Variants in LHFPL6 observed in about 807,000 individuals in gnomAD.
LHFPL6 encodes the protein LHFPL tetraspan subfamily member 6.
In LHFPL6, 9 loss-of-function variants were observed where a neutral mutation model predicts 20.6. That is an observed-to-expected ratio of 0.44 (90% CI 0.26 to 0.76). LHFPL6 has a LOEUF of 0.76. Ranked by LOEUF, LHFPL6 falls within the 30% of genes least tolerant of loss-of-function variation. LHFPL6 has a pLI of 0.20. For synonymous variants in LHFPL6, 105 were observed against 98.7 expected (o/e 1.06, Z -0.38); for missense variants, 218 against 253.5 (o/e 0.86, Z 0.95).
chr13:39,381,952 C>G (rs1023696329), intron 2 of LHFPL6, among the ~76,000 whole-genome samples: 1 of 152,016 alleles, frequency 6.6e-6, no homozygotes. Context: ...GCAGCATATG[C>G]GTTGTTGAAG....
chr13:39,410,987 TA>T (rs1232141813), intron 2 of LHFPL6, among the ~76,000 whole-genome samples: 2 of 152,350 alleles, frequency 1.3e-5, no homozygotes, highest in African/African-American at 2.4e-5. Flanking sequence ...CGGTTTATTA[TA>T]GGGGAGCCTT....
At chr13:39,369,604 TC>T (rs1566095679) in intron 3 of LHFPL6, among the ~76,000 whole-genome samples, 12 of 105,370 alleles carry the variant, frequency 1.1e-4, no homozygotes, top group African/African-American at 2.7e-4. Context: ...CCTTCCTCCC[TC>T]TCTCCCTCCC....
chr13:39,355,408 G>C (rs1486174923), intron 3 of LHFPL6, among the ~76,000 whole-genome samples: 1 of 151,996 alleles, frequency 6.6e-6, no homozygotes, highest in African/African-American at 2.4e-5. Context: ...GGAAATGAAC[G>C]AGTAGTACCT....
rs1872806431 is a variant in LHFPL6 at position 39,466,359 on chromosome 13, A to G, written c.386-87833T>C. Among the ~76,000 whole-genome samples the G allele has an allele frequency of 3.3e-5, 5 of 152,356 alleles. 1 individual carries two copies. The South Asian group carries it at 1.0e-3, about 32-fold the overall frequency. ...AGATTCACCTCCACTTGACATCAGC[A>G]TGAATTCAAGTTGAAAAATATTGAT... On this transcript the variant is annotated intron_variant, in intron 2 of 3. Coordinates refer to ENST00000379589, the MANE Select transcript of LHFPL6 (RefSeq NM_005780.3).
intron 2 of LHFPL6, among the ~76,000 whole-genome samples, chr13:39,511,587 G>A (rs1464989956): frequency 2.6e-5 from 4 of 151,966 alleles, no homozygotes; most frequent in Non-Finnish European, 5.9e-5. Flanking sequence ...AGGCCAACTA[G>A]CTTGATTTTA....
At chr13:39,488,421 T>C (rs1324926175) in intron 2 of LHFPL6, among the ~76,000 whole-genome samples, 1 of 152,196 alleles carries the variant, frequency 6.6e-6, no homozygotes, top group Non-Finnish European at 1.5e-5. Flanking sequence ...AGGTGATGGA[T>C]AGCTTGTGAA....
At chr13:39,540,064 T>G (rs1413653342) in intron 2 of LHFPL6, among the ~76,000 whole-genome samples, 2 of 152,180 alleles carry the variant, frequency 1.3e-5, no homozygotes, top group African/African-American at 4.8e-5. Flanking sequence ...AAATCATGAT[T>G]CAGATTTTTT....
intron 2 of LHFPL6, among the ~76,000 whole-genome samples, chr13:39,480,437 A>C (rs1221247117): frequency 4.6e-5 from 7 of 152,206 alleles, no homozygotes; most frequent in Non-Finnish European, 7.3e-5. Flanking sequence ...TCATTTGTTT[A>C]CTGTTGTCCC....
At chr13:39,427,792 C>G (rs1418984701) in intron 2 of LHFPL6, among the ~76,000 whole-genome samples, 1 of 152,096 alleles carries the variant, frequency 6.6e-6, no homozygotes, top group Non-Finnish European at 1.5e-5. Context: ...AATTGTAATC[C>G]CCAGTGTTGG....
intron 3 of LHFPL6, among the ~76,000 whole-genome samples, chr13:39,372,141 C>A (rs1039332957): frequency 6.7e-6 from 1 of 150,008 alleles, no homozygotes; most frequent in African/African-American, 2.5e-5. Context: ...CTCACACGTT[C>A]TTCCTGAACA....
chr13:39,384,769 G>A (rs114510853), intron 2 of LHFPL6, among the ~76,000 whole-genome samples: 1,522 of 152,170 alleles, frequency 0.01, 21 homozygotes, highest in African/African-American at 0.034. Flanking sequence ...TATTTACATG[G>A]GTTTTATTAG....
chr13:39,517,825 G>A (rs1443766861), intron 2 of LHFPL6, among the ~76,000 whole-genome samples: 2 of 152,172 alleles, frequency 1.3e-5, no homozygotes, highest in Non-Finnish European at 2.9e-5. Context: ...ACCATGTCCA[G>A]CCTGCTGTTA....
chr13:39,561,446 A>G (rs1211088564), intron 2 of LHFPL6, among the ~76,000 whole-genome samples: 3 of 152,148 alleles, frequency 2.0e-5, no homozygotes, highest in Non-Finnish European at 4.4e-5. Context: ...AGTTTTGGGA[A>G]GAGAGAAGTG....
intron 2 of LHFPL6, among the ~76,000 whole-genome samples, chr13:39,461,464 A>C (rs1021744668): frequency 6.6e-6 from 1 of 152,216 alleles, no homozygotes; most frequent in African/African-American, 2.4e-5. Context: ...GCAATGTATA[A>C]GCACTATCTG....
chr13:39,589,481 A>G (rs1872542938), intron 2 of LHFPL6, among the ~76,000 whole-genome samples: 1 of 152,200 alleles, frequency 6.6e-6, no homozygotes, highest in East Asian at 1.9e-4. Flanking sequence ...AGAACTGAGC[A>G]ATGTTGTATC....
intron 3 of LHFPL6, among the ~76,000 whole-genome samples, chr13:39,350,880 T>C (rs1869553321): frequency 6.6e-6 from 1 of 152,208 alleles, no homozygotes; most frequent in African/African-American, 2.4e-5. Flanking sequence ...ATGTTGCTGA[T>C]TTCTTACGGT....
At chr13:39,454,849 A>G (rs1231669625) in intron 2 of LHFPL6, among the ~76,000 whole-genome samples, 1 of 152,208 alleles carries the variant, frequency 6.6e-6, no homozygotes, top group African/African-American at 2.4e-5. Flanking sequence ...TGGAGATACA[A>G]TATTTTCATC....
intron 2 of LHFPL6, among the ~76,000 whole-genome samples, chr13:39,515,433 A>T (rs1018194290): frequency 6.6e-6 from 1 of 152,254 alleles, no homozygotes; most frequent in African/African-American, 2.4e-5. Context: ...ATTGGCCTTT[A>T]GTCACTTGAA....
chr13:39,366,647 GAT>G (rs776636328), intron 3 of LHFPL6, among the ~76,000 whole-genome samples: 64 of 152,216 alleles, frequency 4.2e-4, no homozygotes, highest in Non-Finnish European at 8.5e-4. Context: ...GCTGGCAAAA[GAT>G]AGGAGACTCC....
Sources: gnomAD v4.1 joint callset for allele counts (sites outside exome capture counted in the v4.1 genomes callset) on GRCh38, gnomAD v4.1.1 for gene constraint, MANE v1.5 for transcripts, NCBI Gene and HGNC (gene_info 2026-07-23, HGNC 2026-07-21) for gene names.